Variants in NLN observed in about 807,000 individuals in gnomAD.
NLN encodes neurolysin, mitochondrial.
NLN carries 64 observed loss-of-function variants against 79.9 expected under a neutral mutation model. That is an observed-to-expected ratio of 0.80 (90% CI 0.65 to 0.99). NLN has a LOEUF of 0.99. Ranked by LOEUF, NLN falls within the 50% of genes least tolerant of loss-of-function variation. The probability of loss-of-function intolerance (pLI) is 0.00; values close to 1 mark genes in which losing one functional copy is unlikely to be tolerated. For missense variants in NLN, 835 were observed against 858.7 expected (o/e 0.97, Z 0.34); for synonymous variants, 267 against 296.6 (o/e 0.90, Z 1.02).
Position 65,739,597 on chromosome 5 carries a change from T to C in NLN, c.41+17183T>C, listed in dbSNP as rs924953888. Among the ~76,000 whole-genome samples the C allele has an allele frequency of 2.6e-5, 4 of 152,210 alleles. No homozygotes were observed. The East Asian group carries it at 5.8e-4, about 22-fold the overall frequency. ...ATTTTGAGAAACCTCCATACTGTTT[T>C]CCATAATGGCTGTATGAATTCATAT... On this transcript the variant is annotated intron_variant, in intron 1 of 12. Transcript: ENST00000380985.
At position 65,809,602 on chromosome 5, in the gene NLN, G is replaced by A. The variant is rs370323110; in HGVS notation, c.1615G>A (p.Val539Ile). 247 of 1,613,758 alleles carry A rather than the reference G, an allele frequency of 1.5e-4. No individual in the cohort carries two copies. Among genetic ancestry groups the A allele is most frequent in the Non-Finnish European group, 2.0e-4 (239 of 1,179,902 alleles). ...AATGCTTGAAAATTGGGTGTGGGACGTCGATTCCCTCCGAAGATTGTCAAA... is the reference window on the plus strand; with the variant it reads ...AATGCTTGAAAATTGGGTGTGGGACATCGATTCCCTCCGAAGATTGTCAAA... The part of the protein sequence containing the change: ...SQMLENWVWD[V>I]DSLRRLSKHY... The change falls in exon 10 of 13, where the codon GTC becomes ATC. Residue 539 changes from valine to isoleucine, a missense_variant. Val to Ile is a conservative substitution (Grantham distance 29, BLOSUM62 3). Transcript: ENST00000380985.
At chr5:65,783,018 G>A (rs1193255569) in intron 6 of NLN, among the ~76,000 whole-genome samples, 33 of 152,054 alleles carry the variant, frequency 2.2e-4, no homozygotes, top group Admixed American at 2.2e-3. Flanking sequence ...CCAATTTCTG[G>A]TATTAATCTC....
At chr5:65,806,951 T>G (rs1196610112) in intron 9 of NLN, among the ~76,000 whole-genome samples, 2 of 151,878 alleles carry the variant, frequency 1.3e-5, no homozygotes, top group Non-Finnish European at 2.9e-5. Flanking sequence ...CCGAGGTGGG[T>G]GGATCACCTG....
intron 1 of NLN, among the ~76,000 whole-genome samples, chr5:65,726,153 A>G (rs1369984992): frequency 6.6e-6 from 1 of 151,510 alleles, no homozygotes; most frequent in South Asian, 2.1e-4. Flanking sequence ...AAAAAAATCT[A>G]TTTCAGCTCA....
At chr5:65,820,398 TAATAA>T (rs1760766597) in intron 12 of NLN, among the ~76,000 whole-genome samples, 2 of 152,242 alleles carry the variant, frequency 1.3e-5, no homozygotes, top group African/African-American at 4.8e-5. Context: ...AAGTTTTTCA[TAATAA>T]AATGTTTAAA....
At chr5:65,770,537 A>G (rs1177841744) in intron 3 of NLN, among the ~76,000 whole-genome samples, 4 of 152,360 alleles carry the variant, frequency 2.6e-5, no homozygotes, top group East Asian at 3.9e-4. Context: ...ATCTTTGTGG[A>G]TATGGATCAA....
chr5:65,769,796 G>A (rs1205603866), intron 3 of NLN, among the ~76,000 whole-genome samples: 2 of 152,184 alleles, frequency 1.3e-5, no homozygotes, highest in East Asian at 1.9e-4. Flanking sequence ...CACATCACTG[G>A]TGGGTAAGTG....
At chr5:65,722,468 C>T (rs1758335749) in intron 1 of NLN, 54 bp downstream of exon 1, 14 of 1,488,652 alleles carry the variant, frequency 9.4e-6, no homozygotes, top group Non-Finnish European at 1.3e-5. Context: ...GGTCTTTCGC[C>T]GTGTGGTGCC....
chr5:65,805,417 A>G (rs1359818905), intron 9 of NLN, among the ~76,000 whole-genome samples: 1 of 152,210 alleles, frequency 6.6e-6, no homozygotes, highest in East Asian at 1.9e-4. Flanking sequence ...TACAAGTGCT[A>G]CTCCAATGAA....
At chr5:65,814,359 G>A (rs1304056243) in intron 12 of NLN, among the ~76,000 whole-genome samples, 1 of 151,986 alleles carries the variant, frequency 6.6e-6, no homozygotes, top group Non-Finnish European at 1.5e-5. Flanking sequence ...AGTACTCCCT[G>A]TGTGTTAGAC....
chr5:65,826,132 A>G lies in NLN; in HGVS notation c.*3217A>G, dbSNP rs1384080124. ...ACATCCCCAAAAGTGTCAGGTAGAC[A>G]TGTTACAAATAGCTCTGTAGAGAGC... is the stretch of plus-strand genomic sequence containing the variant. On this transcript the variant is annotated 3_prime_UTR_variant, in exon 13 of 13. Transcript: ENST00000380985. 3.3e-5 allele frequency: 5 copies of G among 152,274 alleles called. No homozygotes were observed. Among genetic ancestry groups the G allele is most frequent in the South Asian group, 2.1e-4 (1 of 4,820 alleles). 9.4% of individuals were successfully genotyped at this position (152,274 alleles called of 1,614,324 possible). A position where few individuals can be genotyped will look rare whatever the true frequency, so the allele number is the denominator to read the frequency against.
At chr5:65,775,148 T>A (rs1759652874) in intron 3 of NLN, among the ~76,000 whole-genome samples, 1 of 152,128 alleles carries the variant, frequency 6.6e-6, no homozygotes, top group Admixed American at 6.6e-5. Flanking sequence ...AGACTATGAG[T>A]TTTGAGTTCA....
chr5:65,811,874 G>C (rs1011847188), intron 11 of NLN, among the ~76,000 whole-genome samples: 5 of 152,146 alleles, frequency 3.3e-5, no homozygotes, highest in Non-Finnish European at 7.4e-5. Flanking sequence ...GCAATTCTGA[G>C]ACATTTTAGA....
intron 6 of NLN, among the ~76,000 whole-genome samples, chr5:65,782,658 AT>A (rs2150758139): frequency 6.6e-6 from 1 of 152,292 alleles, no homozygotes; most frequent in African/African-American, 2.4e-5. Flanking sequence ...ACACAGAGCA[AT>A]TGGCTTTTCC....
intron 9 of NLN, among the ~76,000 whole-genome samples, chr5:65,807,791 A>G (rs1471460550): frequency 6.6e-6 from 1 of 152,170 alleles, no homozygotes; most frequent in Non-Finnish European, 1.5e-5. Context: ...ACTAGAGTAT[A>G]ATGTAAATTT....
Position 65,810,070 on chromosome 5 carries a change from AAGTTGATC to A in NLN, c.1752_1759del (p.Asp585SerfsTer12). 1 of 1,614,110 alleles carries A rather than the reference AAGTTGATC, an allele frequency of 6.2e-7. No individual in the cohort carries two copies. The highest frequency in any genetic ancestry group is 8.5e-7 in the Non-Finnish European group (1 of 1,179,990). On this transcript the variant is annotated frameshift_variant, in exon 11 of 13. Transcript: ENST00000380985. LOFTEE classifies it high-confidence loss of function. ...ACCCTGCGCCAGATTGTTTTGAGCA[AAGTTGATC>A]AGTCTCTTCATACCAACACATCGCT... is the stretch of plus-strand genomic sequence containing the variant.
chr5:65,725,848 C>T (rs1758455280), intron 1 of NLN, among the ~76,000 whole-genome samples: 2 of 152,170 alleles, frequency 1.3e-5, no homozygotes, highest in South Asian at 2.1e-4. Context: ...CACGGTGGCT[C>T]ACGCCTGTAA....
chr5:65,722,259 T>A lies in NLN; in HGVS notation c.-115T>A. 1 of 703,020 alleles carries A rather than the reference T, an allele frequency of 1.4e-6. No homozygotes were observed. Among genetic ancestry groups the A allele is most frequent in the South Asian group, 2.1e-5 (1 of 47,592 alleles). The allele number at this position is 703,020 out of a possible 1,614,324, so 43.5% of individuals were successfully genotyped here. A position where few individuals can be genotyped will look rare whatever the true frequency, so the allele number is the denominator to read the frequency against. ...GAGGGCGCTGGCCAGGCAGCCACTG[T>A]GGCCTCTGCGGCTAGGCCGGCTCGA... On this transcript the variant is annotated 5_prime_UTR_variant, in exon 1 of 13. Transcript: ENST00000380985.
intron 1 of NLN, among the ~76,000 whole-genome samples, chr5:65,729,004 C>T (rs1047320751): frequency 3.3e-5 from 5 of 152,208 alleles, no homozygotes; most frequent in African/African-American, 1.2e-4. Context: ...CCACCACACC[C>T]GGCTAATCTT....
Sources: gnomAD v4.1 joint callset for allele counts (sites outside exome capture counted in the v4.1 genomes callset) on GRCh38, gnomAD v4.1.1 for gene constraint, MANE v1.5 for transcripts, NCBI Gene and HGNC (gene_info 2026-07-23, HGNC 2026-07-21) for gene names.